The following SUPT3H variants were observed in gnomAD, a reference collection of about 807,000 sequenced individuals.
The protein encoded by SUPT3H is transcription initiation protein SPT3 homolog.
In SUPT3H, 44 loss-of-function variants were observed where a neutral mutation model predicts 44.3. The ratio of observed to expected loss-of-function variants is 0.99; its 90% CI spans 0.78 to 1.28. The LOEUF (loss-of-function observed/expected upper bound fraction) is 1.28. Among genes scored for constraint, SUPT3H ranks in the 50% most tolerant of loss-of-function variants. SUPT3H has a pLI of 0.00. For missense variants in SUPT3H, 380 were observed against 387.1 expected, an observed-to-expected ratio of 0.98 and a Z score of 0.15; for synonymous variants, 124 against 125.6, an observed-to-expected ratio of 0.99 and a Z score of 0.09.
chr6:45,060,893 A>G (rs1265249433), intron 3 of SUPT3H, among the ~76,000 whole-genome samples: 4 of 152,356 alleles, frequency 2.6e-5, no homozygotes, highest in African/African-American at 9.6e-5. Flanking sequence ...CAAAACCACA[A>G]TGAGATACTA....
chr6:45,376,423 A>G (rs895018813), intron 1 of SUPT3H, among the ~76,000 whole-genome samples: 2 of 152,212 alleles, frequency 1.3e-5, no homozygotes, highest in Admixed American at 1.3e-4. Context: ...ATTTAAACGT[A>G]AATCAATTTA....
chr6:45,144,583 A>G (rs1289921225), intron 2 of SUPT3H, among the ~76,000 whole-genome samples: 1 of 152,152 alleles, frequency 6.6e-6, no homozygotes, highest in Admixed American at 6.6e-5. Context: ...AATTATCCCG[A>G]GAAATGGAAC....
At chr6:45,128,861 T>C (rs1802964363) in intron 2 of SUPT3H, among the ~76,000 whole-genome samples, 1 of 151,886 alleles carries the variant, frequency 6.6e-6, no homozygotes, top group African/African-American at 2.4e-5. Flanking sequence ...AATTTTTGTA[T>C]TTTGAGTAGA....
At chr6:45,194,158 A>C (rs1380124624) in intron 2 of SUPT3H, among the ~76,000 whole-genome samples, 1 of 152,204 alleles carries the variant, frequency 6.6e-6, no homozygotes, top group Admixed American at 6.5e-5. Flanking sequence ...CAAACTTTAC[A>C]TTTTATGGTA....
At position 45,095,523 on chromosome 6, in the gene SUPT3H, T is replaced by C. The variant is rs1290883006; in HGVS notation, c.186+10399A>G. On this transcript the variant is annotated intron_variant, in intron 3 of 10. Transcript: ENST00000371459. This position sits in a 1 kb window ranked among gnomAD's most constrained non-coding sequence, Gnocchi z 4.1. ...TAAATTTGTTCTTTATTACTTTTCA[T>C]AATTAAGGAGAATTAGCTAAACATG... 1.3e-5 allele frequency among the ~76,000 whole-genome samples: 2 copies of C among 152,138 alleles called. No individual in the cohort carries two copies. The highest frequency in any genetic ancestry group is 2.9e-5 in the Non-Finnish European group (2 of 67,988).
intron 10 of SUPT3H, among the ~76,000 whole-genome samples, chr6:44,904,880 T>A (rs1254469732): frequency 6.6e-6 from 1 of 152,108 alleles, no homozygotes; most frequent in Non-Finnish European, 1.5e-5. Flanking sequence ...TCTACAACCA[T>A]CTGAACTTTG....
intron 4 of SUPT3H, among the ~76,000 whole-genome samples, chr6:45,018,864 A>AATG (rs537465655): frequency 0.019 from 2,938 of 151,824 alleles, 55 homozygotes; most frequent in South Asian, 0.085. Context: ...GGCCTCATAA[A>AATG]ATGAGTTAGG....
intron 3 of SUPT3H, among the ~76,000 whole-genome samples, chr6:45,033,914 T>C (rs913614040): frequency 6.6e-6 from 1 of 152,156 alleles, no homozygotes; most frequent in Non-Finnish European, 1.5e-5. Context: ...ATTTTGAGAA[T>C]TTAACTGGCT....
chr6:45,219,542 C>A (rs550198877), intron 2 of SUPT3H, among the ~76,000 whole-genome samples: 6 of 152,198 alleles, frequency 3.9e-5, no homozygotes, highest in African/African-American at 1.4e-4. Flanking sequence ...AAGAAACAAG[C>A]CAATTCCTTG....
chr6:45,249,430 G>A (rs893859390), intron 2 of SUPT3H, among the ~76,000 whole-genome samples: 3 of 150,218 alleles, frequency 2.0e-5, no homozygotes, highest in Middle Eastern at 3.4e-3. Context: ...AAATTCTAAA[G>A]GAATACAAAC....
At chr6:45,253,670 A>G (rs1772772917) in intron 2 of SUPT3H, among the ~76,000 whole-genome samples, 1 of 151,632 alleles carries the variant, frequency 6.6e-6, no homozygotes, top group Non-Finnish European at 1.5e-5. Flanking sequence ...ACACGTGCCT[A>G]GAGTCCTAGC....
intron 2 of SUPT3H, among the ~76,000 whole-genome samples, chr6:45,271,457 G>A (rs1389423351): frequency 6.6e-6 from 1 of 152,164 alleles, no homozygotes; most frequent in Admixed American, 6.5e-5. Context: ...GGCTTTAGAG[G>A]GTGGAAGCCC....
intron 10 of SUPT3H, among the ~76,000 whole-genome samples, chr6:44,900,738 T>G (rs936326252): frequency 6.6e-6 from 1 of 152,172 alleles, no homozygotes; most frequent in Non-Finnish European, 1.5e-5. Flanking sequence ...AGTGGGTCCC[T>G]GACCCCCAAG....
intron 2 of SUPT3H, among the ~76,000 whole-genome samples, chr6:45,179,302 A>C (rs1216857348): frequency 6.6e-6 from 1 of 152,202 alleles, no homozygotes; most frequent in Non-Finnish European, 1.5e-5. Context: ...CAGAGGTACA[A>C]GGAGGAACTG....
intron 6 of SUPT3H, among the ~76,000 whole-genome samples, chr6:44,964,159 G>A (rs1776462695): frequency 6.6e-6 from 1 of 152,046 alleles, no homozygotes; most frequent in Non-Finnish European, 1.5e-5. Flanking sequence ...TAGCTCCTAG[G>A]AAAATATCTG....
At chr6:45,130,074 G>C (rs1803190358) in intron 2 of SUPT3H, among the ~76,000 whole-genome samples, 1 of 152,030 alleles carries the variant, frequency 6.6e-6, no homozygotes, top group East Asian at 1.9e-4. Context: ...CAGTTTAGTA[G>C]GTTTCTGGAC....
At chr6:45,106,360 A>C (rs1799276304) in intron 2 of SUPT3H, among the ~76,000 whole-genome samples, 1 of 152,108 alleles carries the variant, frequency 6.6e-6, no homozygotes, top group South Asian at 2.1e-4. Context: ...TGAGCCCAGG[A>C]GGCAGAAGTT....
At chr6:45,186,922 T>TA (rs1439890842) in intron 2 of SUPT3H, among the ~76,000 whole-genome samples, 3 of 151,918 alleles carry the variant, frequency 2.0e-5, no homozygotes, top group Non-Finnish European at 4.4e-5. Flanking sequence ...TCATACTTTT[T>TA]AATCCAGTCA....
intron 3 of SUPT3H, among the ~76,000 whole-genome samples, chr6:45,020,911 C>T (rs1425545541): frequency 6.6e-6 from 1 of 151,872 alleles, no homozygotes; most frequent in African/African-American, 2.4e-5. Context: ...TCCAGAAATG[C>T]ATTAATGCAC....
Sources: gnomAD v4.1 joint callset for allele counts (sites outside exome capture counted in the v4.1 genomes callset) on GRCh38, gnomAD v4.1.1 for gene constraint, Gnocchi (gnomAD v3.1) non-coding constraint, MANE v1.5 for transcripts, NCBI Gene and HGNC (gene_info 2026-07-23, HGNC 2026-07-21) for gene names.